FEZ2: variants seen among roughly 807,000 people sequenced by gnomAD.
FEZ2 encodes fasciculation and elongation protein zeta-2.
FEZ2 carries 51 observed loss-of-function variants against 40.4 expected under a neutral mutation model. The ratio of observed to expected loss-of-function variants is 1.26; its 90% confidence interval spans 1.01 to 1.59. The LOEUF is 1.59. Ranked by LOEUF, FEZ2 falls within the 40% of genes most tolerant of loss-of-function variation. The pLI, the probability that FEZ2 is intolerant of heterozygous loss-of-function variation, is 0.00. For synonymous variants in FEZ2, 242 were observed against 172.0 expected (o/e 1.41, Z -3.18); for missense variants, 640 against 438.3 (o/e 1.46, Z -4.11).
intron 2 of FEZ2, among the ~76,000 whole-genome samples, chr2:36,586,351 C>T (rs917934073): frequency 3.0e-4 from 46 of 151,998 alleles, no homozygotes; most frequent in African/African-American, 1.0e-3. Flanking sequence ...AAAATTAATC[C>T]GGGGTGGGCA....
At chr2:36,554,595 C>A (rs1667906286) in intron 7 of FEZ2, among the ~76,000 whole-genome samples, 1 of 152,014 alleles carries the variant, frequency 6.6e-6, no homozygotes, top group Admixed American at 6.6e-5. Flanking sequence ...AGAAAAAGTC[C>A]TCCATCAGAA....
intron 1 of FEZ2, among the ~76,000 whole-genome samples, chr2:36,595,004 T>C (rs1669173409): frequency 6.6e-6 from 1 of 152,334 alleles, no homozygotes; most frequent in South Asian, 2.1e-4. Flanking sequence ...TTCATCTTTA[T>C]CACCAAGTAT....
chr2:36,575,426 GA>G (rs1668540559), intron 5 of FEZ2, among the ~76,000 whole-genome samples: 1 of 151,934 alleles, frequency 6.6e-6, no homozygotes, highest in Admixed American at 6.6e-5. Flanking sequence ...TGGGCTCAAG[GA>G]ATCCTCCCAC....
chr2:36,591,293 C>G (rs958112250), intron 1 of FEZ2: 3 of 363,102 alleles, frequency 8.3e-6, no homozygotes, highest in Non-Finnish European at 1.5e-5. Flanking sequence ...GTGCTAGGCA[C>G]TGTTCTAAGC....
intron 1 of FEZ2, among the ~76,000 whole-genome samples, chr2:36,593,413 G>T (rs532481152): frequency 6.6e-6 from 1 of 152,190 alleles, no homozygotes; most frequent in South Asian, 2.1e-4. Context: ...CCCTGCCCCT[G>T]CAACAAACTT....
chr2:36,575,881 T>G (rs976066943), intron 5 of FEZ2, among the ~76,000 whole-genome samples: 16 of 152,024 alleles, frequency 1.1e-4, no homozygotes, highest in African/African-American at 3.9e-4. Flanking sequence ...ACTGCTTCAG[T>G]GAAACATACA....
chr2:36,574,232 G>C (rs1207635154), intron 5 of FEZ2, among the ~76,000 whole-genome samples: 2 of 152,152 alleles, frequency 1.3e-5, no homozygotes, highest in Non-Finnish European at 2.9e-5. Flanking sequence ...GTAGGACGAA[G>C]ATTCAAACAC....
Position 36,578,961 on chromosome 2 carries a change from T to G in FEZ2, c.635-96A>C, listed in dbSNP as rs184447883. On this transcript the variant is annotated intron_variant, in intron 4 of 7. Coordinates refer to ENST00000405912, the MANE Select transcript of FEZ2 (RefSeq NM_005102.3). ...CTAGGAATGACTAAATAAACACCTA[T>G]GTAATCAATGCCAAAGAGCAAAAAT... The G allele has an allele frequency of 2.1e-3, 2,007 of 974,878 alleles. 6 individuals carry two copies. The highest frequency in any genetic ancestry group is 2.6e-3 in the Non-Finnish European group (1,668 of 641,708). The allele number at this position is 974,878 out of a possible 1,614,324, so 60.4% of individuals were successfully genotyped here. A position where few individuals can be genotyped will look rare whatever the true frequency, so the allele number is the denominator to read the frequency against.
At position 36,581,450 on chromosome 2, in the gene FEZ2, C is replaced by T. The variant is rs1668745624; in HGVS notation, c.493-19G>A. 1.2e-6 allele frequency: 2 copies of T among 1,608,746 alleles called. No homozygotes were observed. The highest frequency in any genetic ancestry group is 1.7e-6 in the Non-Finnish European group (2 of 1,175,408). ...CAATAACCTTCGAAAACACACACAC[C>T]ACTGTTAATCAAATATACAAAAGGA... On this transcript the variant is annotated intron_variant, in intron 3 of 7. Transcript: ENST00000405912.
At chr2:36,593,988 C>T (rs11678226) in intron 1 of FEZ2, among the ~76,000 whole-genome samples, 105,520 of 151,772 alleles carry the variant, frequency 0.7, 36,773 homozygotes, top group East Asian at 0.78. Context: ...TGCCAGATAC[C>T]CTAACTCATC....
At chr2:36,582,771 C>A (rs1433719898) in intron 3 of FEZ2, among the ~76,000 whole-genome samples, 1 of 152,122 alleles carries the variant, frequency 6.6e-6, no homozygotes, top group East Asian at 1.9e-4. Flanking sequence ...TCCGAGTAGC[C>A]ATGGAACATT....
At chr2:36,563,900 TC>T (rs1668161708) in intron 5 of FEZ2, among the ~76,000 whole-genome samples, 1 of 152,180 alleles carries the variant, frequency 6.6e-6, no homozygotes, top group Admixed American at 6.5e-5. Flanking sequence ...AGTTGCTTCT[TC>T]TAAGAGGGGC....
rs937398290 is a variant in FEZ2 at position 36,568,352 on chromosome 2, A to G, written c.904-9839T>C. On this transcript the variant is annotated intron_variant, in intron 5 of 7. Transcript: ENST00000405912. Reference sequence around the variant, plus strand: ...TTAAAGATTTGTTACTAAATAAATAAGTAAATAATTTTTTAAAAGAAAAGA... The same window carrying G: ...TTAAAGATTTGTTACTAAATAAATAGGTAAATAATTTTTTAAAAGAAAAGA... 3.9e-5 allele frequency among the ~76,000 whole-genome samples: 6 copies of G among 152,372 alleles called. No homozygotes were observed. The South Asian group carries it at 1.2e-3, about 32-fold the overall frequency.
chr2:36,552,463 T>TTTAAA lies in FEZ2; in HGVS notation c.*699_*700insTTTAA, dbSNP rs3076526. On this transcript the variant is annotated 3_prime_UTR_variant, in exon 8 of 8. Coordinates refer to ENST00000405912, the MANE Select transcript of FEZ2 (RefSeq NM_005102.3). Reference sequence around the variant, plus strand: ...TCAAGCACCTCAGAGGACACACACTTAAAGTACAATTCTTCACAGACACAT... The same window carrying TTTAAA: ...TCAAGCACCTCAGAGGACACACACTTTTAAAAAAGTACAATTCTTCACAGACACAT... 81,071 of 286,446 alleles carry TTTAAA rather than the reference T, an allele frequency of 0.28. 12,144 individuals carry two copies. The highest frequency in any genetic ancestry group is 0.38 in the Middle Eastern group (288 of 750). 17.7% of individuals were successfully genotyped at this position (286,446 alleles called of 1,614,324 possible). A position where few individuals can be genotyped will look rare whatever the true frequency, so the allele number is the denominator to read the frequency against.
intron 5 of FEZ2, among the ~76,000 whole-genome samples, chr2:36,560,581 T>G (rs185409710): frequency 1.4e-4 from 21 of 152,348 alleles, no homozygotes; most frequent in African/African-American, 5.1e-4. Flanking sequence ...TTTAATCTAT[T>G]GTCGAATTTG....
intron 5 of FEZ2, among the ~76,000 whole-genome samples, chr2:36,571,816 G>A (rs1208991630): frequency 1.3e-5 from 2 of 151,312 alleles, no homozygotes; most frequent in African/African-American, 4.9e-5. Flanking sequence ...GACAAGCCTG[G>A]CCAACATGGT....
chr2:36,554,391 C>G lies in FEZ2; in HGVS notation c.1046-1212G>C, dbSNP rs867754874. The G allele has an allele frequency of 7.0e-5, 32 of 458,696 alleles. No homozygotes were observed. In the Middle Eastern group the frequency reaches 9.2e-3, roughly 133 times the overall value. 28.4% of individuals were successfully genotyped at this position (458,696 alleles called of 1,614,324 possible). On this transcript the variant is annotated intron_variant, in intron 7 of 7. Coordinates refer to ENST00000405912, the MANE Select transcript of FEZ2 (RefSeq NM_005102.3). ...AATGCTTCAGAAGCTCATTCTATCT[C>G]TGGCCCTCATAGAGGCCTAGGAACC...
intron 2 of FEZ2, among the ~76,000 whole-genome samples, chr2:36,587,783 C>A (rs1668944282): frequency 6.6e-6 from 1 of 151,988 alleles, no homozygotes; most frequent in Non-Finnish European, 1.5e-5. Flanking sequence ...TAAATACAGT[C>A]ACTTTGCCAG....
At chr2:36,561,193 C>T (rs759824624) in intron 5 of FEZ2, 2 of 193,000 alleles carry the variant, frequency 1.0e-5, no homozygotes, top group Non-Finnish European at 2.1e-5. Context: ...TTTTAAGATA[C>T]TTTTTGATAT....
Sources: allele counts gnomAD v4.1 joint callset (sites outside exome capture counted in the v4.1 genomes callset), GRCh38; gene constraint gnomAD v4.1.1; transcripts MANE v1.5; gene names NCBI Gene and HGNC (gene_info 2026-07-23, HGNC 2026-07-21).